Variants in ZNF385D observed in about 807,000 individuals in gnomAD.
ZNF385D encodes the protein zinc finger protein 385D, also known as zinc finger protein 659.
Under a neutral mutation model 35.8 loss-of-function variants are expected in ZNF385D, and 15 were observed. That is an observed-to-expected ratio of 0.42 (90% CI 0.28 to 0.64). The LOEUF (loss-of-function observed/expected upper bound fraction) is 0.64. ZNF385D is among the 30% of genes least tolerant of loss of function. The pLI is 0.23. For synonymous variants in ZNF385D, 212 were observed against 186.8 expected (o/e 1.13, Z -1.10); for missense variants, 474 against 494.6 (o/e 0.96, Z 0.39).
chr3:21,635,983 A>C (rs540351302), intron 2 of ZNF385D, among the ~76,000 whole-genome samples: 8 of 152,056 alleles, frequency 5.3e-5, no homozygotes, highest in Non-Finnish European at 1.0e-4. Flanking sequence ...GGCTGGTTCC[A>C]TATTTTTGCA....
At chr3:22,139,196 A>T (rs993475469) in intron 3 of ZNF385D, among the ~76,000 whole-genome samples, 2 of 152,244 alleles carry the variant, frequency 1.3e-5, no homozygotes, top group African/African-American at 4.8e-5. Context: ...CCATTGTGGA[A>T]GTCGGTGTGG....
chr3:22,292,183 G>A (rs1053544365), intron 2 of ZNF385D, among the ~76,000 whole-genome samples: 11 of 151,796 alleles, frequency 7.2e-5, no homozygotes, highest in Admixed American at 4.6e-4. Context: ...TACTTCGTGG[G>A]TTATCATAAA....
At chr3:21,602,517 CTTTTTTTTTTTTTT>C (rs746138066) in intron 2 of ZNF385D, among the ~76,000 whole-genome samples, 9 of 62,718 alleles carry the variant, frequency 1.4e-4, no homozygotes, top group East Asian at 1.8e-3. Context: ...CCTGCATTTT[CTTTTTTTTTTTTTT>C]TTTTTTTTTT....
intron 2 of ZNF385D, among the ~76,000 whole-genome samples, chr3:22,269,565 G>A (rs138520764): frequency 7.0e-4 from 107 of 152,054 alleles, no homozygotes; most frequent in South Asian, 3.7e-3. Flanking sequence ...TAATGGAGGA[G>A]AGAGCACTGG....
At chr3:22,031,360 A>T (rs2125481232) in intron 3 of ZNF385D, among the ~76,000 whole-genome samples, 1 of 152,300 alleles carries the variant, frequency 6.6e-6, no homozygotes, top group Admixed American at 6.5e-5. Context: ...CTGGACATCC[A>T]GGTATTTGTC....
chr3:21,827,828 G>T (rs1057089211), intron 3 of ZNF385D, among the ~76,000 whole-genome samples: 10 of 152,254 alleles, frequency 6.6e-5, no homozygotes, highest in Non-Finnish European at 1.0e-4. Context: ...TTTGAAGTTT[G>T]CCTTTCATTA....
intron 2 of ZNF385D, among the ~76,000 whole-genome samples, chr3:21,615,960 G>T (rs1575326911): frequency 6.6e-6 from 1 of 152,010 alleles, no homozygotes; most frequent in South Asian, 2.1e-4. Context: ...TTTCTGAAAG[G>T]CTAATCAGAA....
intron 1 of ZNF385D, among the ~76,000 whole-genome samples, chr3:21,693,935 G>A (rs551070301): frequency 6.9e-6 from 1 of 144,972 alleles, no homozygotes. Context: ...CTGGAGTGCA[G>A]TTGCGCGACC....
intron 3 of ZNF385D, among the ~76,000 whole-genome samples, chr3:21,871,959 T>C (rs1575813437): frequency 6.6e-6 from 1 of 151,830 alleles, no homozygotes; most frequent in Non-Finnish European, 1.5e-5. Context: ...ATTGCACCAC[T>C]GCACTCCAGC....
chr3:21,459,058 C>T (rs548714766), intron 4 of ZNF385D, among the ~76,000 whole-genome samples: 27 of 152,150 alleles, frequency 1.8e-4, no homozygotes, highest in African/African-American at 6.3e-4. Flanking sequence ...CAACTATCAC[C>T]TGGGAGGGTA....
chr3:22,244,246 T>C (rs1699646082), intron 2 of ZNF385D, among the ~76,000 whole-genome samples: 1 of 150,274 alleles, frequency 6.7e-6, no homozygotes, highest in Non-Finnish European at 1.5e-5. Context: ...GTTGTTTTGT[T>C]ATAACAGCCT....
rs1225094567 is a variant in ZNF385D at position 21,419,360 on chromosome 3, A to G, written c.*1854T>C. The G allele has an allele frequency of 6.6e-6, 1 of 152,134 alleles. No individual in the cohort carries two copies. The highest frequency in any genetic ancestry group is 1.5e-5 in the Non-Finnish European group (1 of 68,008). 9.4% of individuals were successfully genotyped at this position (152,134 alleles called of 1,614,324 possible). ...TGGTGGAGAAGAACTCCAAAAAACCATGTTTAATGTTGAGCACCAAGCACG... is the reference window on the plus strand; with the variant it reads ...TGGTGGAGAAGAACTCCAAAAAACCGTGTTTAATGTTGAGCACCAAGCACG... On this transcript the variant is annotated 3_prime_UTR_variant, in exon 8 of 8. Transcript: ENST00000281523.
chr3:21,473,995 G>C (rs1704067948), intron 4 of ZNF385D, among the ~76,000 whole-genome samples: 1 of 151,864 alleles, frequency 6.6e-6, no homozygotes, highest in Non-Finnish European at 1.5e-5. Flanking sequence ...GTGTAAGCTA[G>C]ATATGTGTAT....
chr3:21,860,813 T>C (rs1220517160), intron 3 of ZNF385D, among the ~76,000 whole-genome samples: 3 of 152,104 alleles, frequency 2.0e-5, no homozygotes, highest in African/African-American at 2.4e-5. Flanking sequence ...TCTGAACATA[T>C]GCCTGTAGCA....
chr3:22,131,756 T>A (rs62248881), intron 3 of ZNF385D, among the ~76,000 whole-genome samples: 1 of 152,052 alleles, frequency 6.6e-6, no homozygotes, highest in East Asian at 1.9e-4. Context: ...TGATCGCTTC[T>A]ACTTTTATAG....
At chr3:21,836,079 A>G (rs150992846) in intron 3 of ZNF385D, among the ~76,000 whole-genome samples, 1 of 152,186 alleles carries the variant, frequency 6.6e-6, no homozygotes, top group African/African-American at 2.4e-5. Flanking sequence ...CTGTTACAAT[A>G]ACTTCTTTTG....
intron 1 of ZNF385D, among the ~76,000 whole-genome samples, chr3:21,703,991 T>TA (rs377695203): frequency 1.3e-5 from 2 of 152,346 alleles, no homozygotes; most frequent in East Asian, 3.9e-4. Context: ...TGTTGCTTTG[T>TA]AGGGCCCTGC....
At chr3:22,274,670 T>A (rs189552646) in intron 2 of ZNF385D, among the ~76,000 whole-genome samples, 17,571 of 130,330 alleles carry the variant, frequency 0.13, 1,172 homozygotes, top group Non-Finnish European at 0.16. Context: ...GTAAATTTTT[T>A]AAAAAAAAGA....
chr3:21,933,705 C>T (rs961558605), intron 3 of ZNF385D, among the ~76,000 whole-genome samples: 23 of 152,212 alleles, frequency 1.5e-4, no homozygotes, highest in Middle Eastern at 3.4e-3. Context: ...ATGACTCTAC[C>T]GTTGAGTCTT....
Sources: allele counts gnomAD v4.1 joint callset (sites outside exome capture counted in the v4.1 genomes callset), GRCh38; gene constraint gnomAD v4.1.1; transcripts MANE v1.5; gene names NCBI Gene and HGNC (gene_info 2026-07-23, HGNC 2026-07-21).